The following CXXC5 variants were observed in gnomAD, a reference collection of about 807,000 sequenced individuals.
CXXC5 encodes CXXC-type zinc finger protein 5.
A neutral mutation model predicts 17.6 loss-of-function variants in CXXC5; 2 were observed. The ratio of observed to expected loss-of-function variants is 0.11; its 90% CI spans 0.05 to 0.36. The LOEUF is 0.36. CXXC5 is among the 10% of genes least tolerant of loss of function. The probability of loss-of-function intolerance (pLI) is 1.00; values close to 1 mark genes in which losing one functional copy is unlikely to be tolerated. For missense variants in CXXC5, 343 were observed against 458.3 expected (o/e 0.75, Z 2.30); for synonymous variants, 171 against 193.0 (o/e 0.89, Z 0.94).
Position 139,662,438 on chromosome 5 carries a change from C to CA in CXXC5, c.-161+13602dup, listed in dbSNP as rs200381971. 9.1e-3 allele frequency among the ~76,000 whole-genome samples: 1,368 copies of CA among 149,516 alleles called. 14 individuals are homozygous for CA. Among genetic ancestry groups the CA allele is most frequent in the Middle Eastern group, 0.041 (12 of 294 alleles). ...GATATACCCCTTTTCCATATGCTGC[C>CA]AAAAAAAAAGCCGTTTTTCAGATGA... On this transcript the variant is annotated intron_variant, in intron 1 of 2. Coordinates refer to ENST00000302517, the MANE Select transcript of CXXC5 (RefSeq NM_016463.9).
chr5:139,667,389 C>T (rs1208771911), intron 1 of CXXC5, among the ~76,000 whole-genome samples: 3 of 152,238 alleles, frequency 2.0e-5, no homozygotes, highest in Non-Finnish European at 4.4e-5. Flanking sequence ...TCTCTGACCA[C>T]GGGGTCCATG....
intron 1 of CXXC5, among the ~76,000 whole-genome samples, chr5:139,653,232 C>T (rs915555699): frequency 2.6e-5 from 4 of 152,162 alleles, no homozygotes; most frequent in Non-Finnish European, 4.4e-5. Context: ...GGGGTGACAG[C>T]GTGTATCCAC....
chr5:139,674,017 G>C (rs1432590933), intron 1 of CXXC5, among the ~76,000 whole-genome samples: 2 of 152,120 alleles, frequency 1.3e-5, no homozygotes, highest in African/African-American at 4.8e-5. Context: ...GTCCTTGGCA[G>C]TCAGTCTTGG....
intron 1 of CXXC5, among the ~76,000 whole-genome samples, chr5:139,653,386 G>C (rs1236024201): frequency 6.6e-6 from 1 of 152,174 alleles, no homozygotes; most frequent in Non-Finnish European, 1.5e-5. Context: ...CTCCATGCTG[G>C]GAAGCCTGCC....
intron 1 of CXXC5, among the ~76,000 whole-genome samples, chr5:139,679,198 G>C (rs1308904652): frequency 6.6e-6 from 1 of 152,178 alleles, no homozygotes; most frequent in Non-Finnish European, 1.5e-5. Context: ...CCTCCACCCA[G>C]GCCCTACTCT....
intron 1 of CXXC5, among the ~76,000 whole-genome samples, chr5:139,667,283 G>A (rs773790522): frequency 5.1e-4 from 77 of 152,214 alleles, no homozygotes; most frequent in Non-Finnish European, 1.9e-4. Flanking sequence ...AGCCCTCTGG[G>A]TACTGCTCCC....
Position 139,683,860 on chromosome 5 carries a change from C to T in CXXC5, c.*953C>T, listed in dbSNP as rs945276334. 5 of 152,404 alleles carry T rather than the reference C, an allele frequency of 3.3e-5. No individual in the cohort carries two copies. Among genetic ancestry groups the T allele is most frequent in the African/African-American group, 9.7e-5 (4 of 41,426 alleles). 9.4% of individuals were successfully genotyped at this position (152,404 alleles called of 1,614,324 possible). On this transcript the variant is annotated 3_prime_UTR_variant, in exon 3 of 3. Coordinates refer to ENST00000302517, the MANE Select transcript of CXXC5 (RefSeq NM_016463.9). Reference sequence around the variant, plus strand: ...AAACCAGGCTGTTTTGTGAATAAAACGAATGCATGTTTGTGTCACGAAGCA... The same window carrying T: ...AAACCAGGCTGTTTTGTGAATAAAATGAATGCATGTTTGTGTCACGAAGCA...
At chr5:139,669,225 T>A (rs1307404933) in intron 1 of CXXC5, among the ~76,000 whole-genome samples, 2 of 152,228 alleles carry the variant, frequency 1.3e-5, no homozygotes, top group Non-Finnish European at 2.9e-5. Flanking sequence ...CCGCCCGCTC[T>A]AAGCGTGAGC....
chr5:139,672,399 T>C (rs1217448614), intron 1 of CXXC5, among the ~76,000 whole-genome samples: 1 of 152,248 alleles, frequency 6.6e-6, no homozygotes, highest in Non-Finnish European at 1.5e-5. Flanking sequence ...ATTACAGGCG[T>C]GAGCCTGTAC....
chr5:139,656,531 C>G (rs1755506177), intron 1 of CXXC5, among the ~76,000 whole-genome samples: 1 of 152,246 alleles, frequency 6.6e-6, no homozygotes, highest in Non-Finnish European at 1.5e-5. Context: ...GCCGTGCCTC[C>G]TGTCATTGAT....
chr5:139,671,909 T>C (rs1007985501), intron 1 of CXXC5, among the ~76,000 whole-genome samples: 6 of 152,212 alleles, frequency 3.9e-5, no homozygotes, highest in African/African-American at 1.4e-4. Context: ...GTTTAAATCC[T>C]GGCTCTGCCA....
chr5:139,674,501 C>T (rs1475447137), intron 1 of CXXC5, among the ~76,000 whole-genome samples: 4 of 152,170 alleles, frequency 2.6e-5, no homozygotes, highest in African/African-American at 7.2e-5. Flanking sequence ...GGTCCTGAAA[C>T]GCAGCCTCTT....
At position 139,661,052 on chromosome 5, in the gene CXXC5, G is replaced by T. The variant is rs1755778807; in HGVS notation, c.-161+12207G>T. On this transcript the variant is annotated intron_variant, in intron 1 of 2. Coordinates refer to ENST00000302517, the MANE Select transcript of CXXC5 (RefSeq NM_016463.9). The surrounding 1 kb of genome is among the most constrained non-coding windows in gnomAD (Gnocchi z 4.7). ...GGGCCAGGGCAGCCGGAGTCTGGGGGACCAGGACAGCCTCCCCCACCTCCG... is the reference window on the plus strand; with the variant it reads ...GGGCCAGGGCAGCCGGAGTCTGGGGTACCAGGACAGCCTCCCCCACCTCCG... Among the ~76,000 whole-genome samples, 1 of 152,118 alleles carries T rather than the reference G, an allele frequency of 6.6e-6. No homozygotes were observed. The highest frequency in any genetic ancestry group is 1.5e-5 in the Non-Finnish European group (1 of 68,016).
Position 139,663,555 on chromosome 5 carries a change from T to C in CXXC5, c.-161+14710T>C, listed in dbSNP as rs1190770282. Among the ~76,000 whole-genome samples the C allele has an allele frequency of 6.6e-6, 1 of 152,180 alleles. No homozygotes were observed. The highest frequency in any genetic ancestry group is 2.1e-4 in the South Asian group (1 of 4,832). On this transcript the variant is annotated intron_variant, in intron 1 of 2. Coordinates refer to ENST00000302517, the MANE Select transcript of CXXC5 (RefSeq NM_016463.9). The surrounding 1 kb of genome is among the most constrained non-coding windows in gnomAD (Gnocchi z 4.2). ...TTGTAACCTTCAGGCTTCTACCACA[T>C]GTCCATCCCCCCATGGTCCTGCAGG...
rs183852682 is a variant in CXXC5 at position 139,681,046 on chromosome 5, G to A, written c.523G>A (p.Val175Met). The A allele has an allele frequency of 3.0e-4, 487 of 1,610,970 alleles. 3 individuals carry two copies. Among genetic ancestry groups the A allele is most frequent in the Non-Finnish European group, 2.3e-5 (27 of 1,179,948 alleles). Residue 175 changes from valine (V) to methionine (M), a missense_variant, in exon 2 of 3, where the codon GTG (valine) becomes ATG (methionine). This residue lies in a region of CXXC5 where 297 missense variants were observed against 363.4 expected (regional missense o/e 0.82). Coordinates refer to ENST00000302517, the MANE Select transcript of CXXC5 (RefSeq NM_016463.9). ...GCAGTCCACAGAGATGCTGAAGCGC[G>A]TGGTGCAGGAGCATCTCCCGCTGAT... ...FAQSTEMLKR[V>M]VQEHLPLMSE...
At chr5:139,659,442 G>C (rs762146403) in intron 1 of CXXC5, 1 of 152,342 alleles carries the variant, frequency 6.6e-6, no homozygotes, top group Non-Finnish European at 1.5e-5. Context: ...GCAGCTGGGC[G>C]GGTGTGCCCC....
In CXXC5 at chr5:139,683,115, T is replaced by A. The variant is rs1757351386; in HGVS notation, c.*208T>A. The A allele has an allele frequency of 9.8e-6, 4 of 408,564 alleles. No individual in the cohort carries two copies. Among genetic ancestry groups the A allele is most frequent in the East Asian group, 7.4e-5 (2 of 26,968 alleles). The allele number at this position is 408,564 out of a possible 1,614,324, so 25.3% of individuals were successfully genotyped here. A position where few individuals can be genotyped will look rare whatever the true frequency, so the allele number is the denominator to read the frequency against. On this transcript the variant is annotated 3_prime_UTR_variant, in exon 3 of 3. Transcript: ENST00000302517. ...TAGCATAAAAAGAAAAAGAAAAAAA[T>A]TTAAACTGCTTTTTCGGAAGAACAA...
At chr5:139,674,050 C>T (rs528698549) in intron 1 of CXXC5, among the ~76,000 whole-genome samples, 4 of 152,120 alleles carry the variant, frequency 2.6e-5, no homozygotes, top group African/African-American at 9.6e-5. Context: ...GGGGTTGAGG[C>T]CATGTCTCAC....
Position 139,661,059 on chromosome 5 carries a change from A to G in CXXC5, c.-161+12214A>G, listed in dbSNP as rs971913510. Reference sequence around the variant, plus strand: ...GGCAGCCGGAGTCTGGGGGACCAGGACAGCCTCCCCCACCTCCGCCCTCAT... The same window carrying G: ...GGCAGCCGGAGTCTGGGGGACCAGGGCAGCCTCCCCCACCTCCGCCCTCAT... On this transcript the variant is annotated intron_variant, in intron 1 of 2. Transcript: ENST00000302517. The surrounding 1 kb of genome is among the most constrained non-coding windows in gnomAD (Gnocchi z 4.7). Among the ~76,000 whole-genome samples, 18 of 152,110 alleles carry G rather than the reference A, an allele frequency of 1.2e-4. No individual in the cohort carries two copies. The highest frequency in any genetic ancestry group is 4.3e-4 in the African/African-American group (18 of 41,408).
Sources: allele counts gnomAD v4.1 joint callset (sites outside exome capture counted in the v4.1 genomes callset), GRCh38; gene constraint gnomAD v4.1.1; regional missense constraint gnomAD v4.1.1; non-coding constraint Gnocchi (gnomAD v3.1); transcripts MANE v1.5; gene names NCBI Gene and HGNC (gene_info 2026-07-23, HGNC 2026-07-21).